Variants in SLC4A4 observed in about 807,000 individuals in gnomAD.
SLC4A4 encodes the protein solute carrier family 4 member 4, also known as electrogenic sodium bicarbonate cotransporter 1.
A neutral mutation model predicts 111.5 loss-of-function variants in SLC4A4; 27 were observed. The observed-to-expected ratio is 0.24, with a 90% CI of 0.18 to 0.33. The LOEUF (loss-of-function observed/expected upper bound fraction) is 0.33, where lower values mean the gene tolerates loss of function less well. SLC4A4 is among the 10% of genes least tolerant of loss of function. The pLI, the probability that SLC4A4 is intolerant of heterozygous loss-of-function variation, is 1.00. For missense variants in SLC4A4, 909 were observed against 1,315.5 expected (o/e 0.69, Z 4.78); for synonymous variants, 443 against 463.4 (o/e 0.96, Z 0.57).
chr4:71,158,825 G>A (rs1744545211), intron 2 of SLC4A4, among the ~76,000 whole-genome samples: 1 of 152,112 alleles, frequency 6.6e-6, no homozygotes, highest in Non-Finnish European at 1.5e-5. Flanking sequence ...AGCAAGAGAT[G>A]ATTTAGCTTG....
intron 2 of SLC4A4, among the ~76,000 whole-genome samples, chr4:71,137,633 A>G (rs2148964623): frequency 6.6e-6 from 1 of 152,272 alleles, no homozygotes; most frequent in South Asian, 2.1e-4. Flanking sequence ...AATTTCATGG[A>G]CAGCCAACAA....
intron 20 of SLC4A4, among the ~76,000 whole-genome samples, chr4:71,553,763 A>T (rs1273214309): frequency 6.6e-6 from 1 of 151,890 alleles, no homozygotes; most frequent in Non-Finnish European, 1.5e-5. Context: ...AAATGAAGGC[A>T]TGTGTCAGAA....
chr4:71,215,991 G>A (rs1011749512), intron 1 of SLC4A4, among the ~76,000 whole-genome samples: 2 of 139,388 alleles, frequency 1.4e-5, no homozygotes, highest in Non-Finnish European at 3.0e-5. Context: ...TGCATCTTCC[G>A]CCCCCACCCC....
intron 3 of SLC4A4, among the ~76,000 whole-genome samples, chr4:71,308,400 A>G (rs923367635): frequency 2.0e-5 from 3 of 152,214 alleles, no homozygotes; most frequent in African/African-American, 4.8e-5. Context: ...TTACTGGCAC[A>G]TAATAGTCAT....
chr4:71,474,209 A>T (rs1728141107), intron 14 of SLC4A4, among the ~76,000 whole-genome samples: 1 of 151,798 alleles, frequency 6.6e-6, no homozygotes, highest in African/African-American at 2.4e-5. Context: ...GCAATTAGAT[A>T]CAGGTCTATG....
At chr4:71,077,173 T>G (rs1231369718) in intron 1 of SLC4A4, among the ~76,000 whole-genome samples, 1 of 150,794 alleles carries the variant, frequency 6.6e-6, no homozygotes, top group African/African-American at 2.4e-5. Flanking sequence ...ACTTTTTTTT[T>G]TTTTTGAGAC....
At chr4:71,497,369 C>T in intron 15 of SLC4A4, 132 bp from the exon 16 acceptor site, 1 of 722,324 alleles carries the variant, frequency 1.4e-6, no homozygotes, top group Admixed American at 2.3e-5. Context: ...CATCAAGTTT[C>T]ACCCTCCAGT....
intron 2 of SLC4A4, among the ~76,000 whole-genome samples, chr4:71,142,863 T>C (rs1202959052): frequency 6.7e-6 from 1 of 149,750 alleles, no homozygotes; most frequent in Non-Finnish European, 1.5e-5. Flanking sequence ...ATGCGCAAAC[T>C]GGCCCCAAAA....
intron 21 of SLC4A4, among the ~76,000 whole-genome samples, chr4:71,556,973 G>C (rs978881748): frequency 6.6e-6 from 1 of 151,884 alleles, no homozygotes; most frequent in Non-Finnish European, 1.5e-5. Flanking sequence ...TTCGTCACTG[G>C]CAAGGTCAAT....
rs114669783 is a variant in SLC4A4, at chr4:71,453,880, C to T, written c.1497+211C>T. Among the ~76,000 whole-genome samples the T allele has an allele frequency of 5.9e-3, 900 of 152,162 alleles. 10 individuals are homozygous for T. The highest frequency in any genetic ancestry group is 0.053 in the South Asian group (255 of 4,812). ...TAGCTCGATGAAATCTGGCTTGAGT[C>T]ACAAGTAGGGAAAGGAAGGGAAGGA... On this transcript the variant is annotated intron_variant, in intron 12 of 25. Transcript: ENST00000264485.
chr4:71,257,723 C>T (rs187860742), intron 3 of SLC4A4, among the ~76,000 whole-genome samples: 12 of 152,284 alleles, frequency 7.9e-5, no homozygotes, highest in East Asian at 1.9e-4. Context: ...AGACATACCA[C>T]GTCCCATAGA....
At chr4:71,433,265 A>G (rs1577889521) in intron 7 of SLC4A4, among the ~76,000 whole-genome samples, 2 of 151,348 alleles carry the variant, frequency 1.3e-5, no homozygotes, top group African/African-American at 4.9e-5. Flanking sequence ...CACCCCCATT[A>G]GTCTCATCTA....
At chr4:71,309,633 A>G (rs1436795955) in intron 3 of SLC4A4, among the ~76,000 whole-genome samples, 1 of 152,170 alleles carries the variant, frequency 6.6e-6, no homozygotes, top group Admixed American at 6.5e-5. Context: ...AATAACGTCA[A>G]CATCAACAAA....
chr4:71,183,259 T>C (rs902785564), upstream of SLC4A4, among the ~76,000 whole-genome samples: 2 of 152,218 alleles, frequency 1.3e-5, no homozygotes, highest in Non-Finnish European at 2.9e-5. Context: ...ACTTTAGGCA[T>C]GTGTTTTAAA....
intron 2 of SLC4A4, among the ~76,000 whole-genome samples, chr4:71,145,137 A>T (rs142789181): frequency 0.029 from 4,437 of 152,236 alleles, 227 homozygotes; most frequent in African/African-American, 0.1. Context: ...TACCGAATTT[A>T]TTGAGAGTTT....
chr4:71,518,922 G>A (rs1314216346), intron 16 of SLC4A4, among the ~76,000 whole-genome samples: 1 of 152,178 alleles, frequency 6.6e-6, no homozygotes, highest in Non-Finnish European at 1.5e-5. Flanking sequence ...GTTTTACCGG[G>A]ACAGACCTGG....
intron 8 of SLC4A4, 125 bp from the exon 9 acceptor site, chr4:71,447,521 T>G: frequency 1.4e-6 from 1 of 714,518 alleles, no homozygotes; most frequent in Non-Finnish European, 2.6e-6. Flanking sequence ...ATATATTACC[T>G]TTGTTTTAAA....
At chr4:71,241,056 C>A (rs1363094699) in intron 2 of SLC4A4, among the ~76,000 whole-genome samples, 1 of 151,956 alleles carries the variant, frequency 6.6e-6, no homozygotes, top group African/African-American at 2.4e-5. Context: ...GAGATCAAGG[C>A]TACAGTGAAC....
At position 71,521,975 on chromosome 4, in the gene SLC4A4, C is replaced by T. The variant is rs548737202; in HGVS notation, c.2167-10087C>T. Among the ~76,000 whole-genome samples, 8 of 152,256 alleles carry T rather than the reference C, an allele frequency of 5.3e-5. 1 individual carries two copies. In the East Asian group the frequency reaches 1.2e-3, roughly 22 times the overall value. On this transcript the variant is annotated intron_variant, in intron 16 of 25. Coordinates refer to ENST00000264485, the MANE Select transcript of SLC4A4 (RefSeq NM_001098484.3). The stretch of plus-strand genomic sequence containing the variant: ...TCAATGACCCAGTCTCTTTCCATAC[C>T]TCACGGAGCCACTAGCAATCCCTCA...
Sources: gnomAD v4.1 joint callset for allele counts (sites outside exome capture counted in the v4.1 genomes callset) on GRCh38, gnomAD v4.1.1 for gene constraint, MANE v1.5 for transcripts, NCBI Gene and HGNC (gene_info 2026-07-23, HGNC 2026-07-21) for gene names.